The following GPM6A variants were observed in gnomAD, a reference collection of about 807,000 sequenced individuals.
GPM6A encodes the protein glycoprotein M6A.
Under a neutral mutation model 32.1 loss-of-function variants are expected in GPM6A, and 7 were observed. The ratio of observed to expected loss-of-function variants is 0.22; its 90% CI spans 0.12 to 0.41. The LOEUF (loss-of-function observed/expected upper bound fraction) is 0.41, where lower values mean the gene tolerates loss of function less well. Among genes scored for constraint, GPM6A ranks in the 10% least tolerant of loss-of-function variants. The pLI is 1.00. For missense variants in GPM6A, 235 were observed against 347.2 expected, an observed-to-expected ratio of 0.68 and a Z score of 2.57; for synonymous variants, 130 against 123.4, an observed-to-expected ratio of 1.05 and a Z score of -0.35.
intron 1 of GPM6A, among the ~76,000 whole-genome samples, chr4:175,882,095 C>T (rs1187876215): frequency 1.3e-5 from 2 of 151,342 alleles, no homozygotes; most frequent in African/African-American, 4.9e-5. Flanking sequence ...TTTGTTTGTC[C>T]ATAGTTTATT....
chr4:175,734,419 T>G (rs1731567945), intron 1 of GPM6A, among the ~76,000 whole-genome samples: 1 of 152,162 alleles, frequency 6.6e-6, no homozygotes, highest in Non-Finnish European at 1.5e-5. Flanking sequence ...TCTGCGTGAT[T>G]GGCCACAATG....
intron 1 of GPM6A, among the ~76,000 whole-genome samples, chr4:175,878,661 A>G (rs1260382418): frequency 6.6e-6 from 1 of 152,092 alleles, no homozygotes; most frequent in Non-Finnish European, 1.5e-5. Flanking sequence ...CTCTGGGCCT[A>G]TGATGGGATG....
chr4:175,770,768 T>C (rs934966760), intron 1 of GPM6A, among the ~76,000 whole-genome samples: 7 of 152,112 alleles, frequency 4.6e-5, no homozygotes, highest in Non-Finnish European at 1.0e-4. Flanking sequence ...ATCTTTCTAC[T>C]GGTTAATCGG....
Position 175,650,282 on chromosome 4 carries a change from ATTTATTTATT to A in GPM6A, c.541+1542_541+1551del, listed in dbSNP as rs1192511730. 6.0e-4 allele frequency among the ~76,000 whole-genome samples: 9 copies of A among 15,076 alleles called. No homozygotes were observed. In the Admixed American group the frequency reaches 6.4e-3, roughly 11 times the overall value. 9.9% of individuals were successfully genotyped at this position (15,076 alleles called of 152,430 possible). A position where few individuals can be genotyped will look rare whatever the true frequency, so the allele number is the denominator to read the frequency against. ...TTTGATTTCATTATTTTATTTATTT[ATTTATTTATT>A]TATTTATTTATTTATTTATTTATTT... On this transcript the variant is annotated intron_variant, in intron 4 of 6. Transcript: ENST00000393658.
In GPM6A at chr4:175,634,676, A is replaced by G. The variant is rs76711963; in HGVS notation, c.*229T>C. On this transcript the variant is annotated 3_prime_UTR_variant, in exon 7 of 7. Transcript: ENST00000393658. Reference sequence around the variant, plus strand: ...TAGTAAATGAGTTTGAGAAATTTCAAAAAAAAGGCTGGATAGGAGCTTGTA... The same window carrying G: ...TAGTAAATGAGTTTGAGAAATTTCAGAAAAAAGGCTGGATAGGAGCTTGTA... 5 of 432,878 alleles carry G rather than the reference A, an allele frequency of 1.2e-5. No individual in the cohort carries two copies. Among genetic ancestry groups the G allele is most frequent in the Non-Finnish European group, 1.6e-5 (4 of 244,526 alleles). 26.8% of individuals were successfully genotyped at this position (432,878 alleles called of 1,614,324 possible).
chr4:175,992,014 C>T (rs1190937622), intron 1 of GPM6A, among the ~76,000 whole-genome samples: 6 of 149,030 alleles, frequency 4.0e-5, no homozygotes, highest in African/African-American at 1.2e-4. Context: ...CGAAACAAAT[C>T]AATCAAAATG....
At chr4:175,919,015 C>A (rs982317004) in intron 1 of GPM6A, among the ~76,000 whole-genome samples, 1 of 152,106 alleles carries the variant, frequency 6.6e-6, no homozygotes, top group African/African-American at 2.4e-5. Flanking sequence ...AAACTGAACT[C>A]ACTAATAAAT....
chr4:175,941,420 G>C (rs980056832), intron 1 of GPM6A, among the ~76,000 whole-genome samples: 1 of 150,864 alleles, frequency 6.6e-6, no homozygotes, highest in African/African-American at 2.5e-5. Context: ...TTTAAGTTCT[G>C]TGATACATGT....
chr4:175,941,152 T>C (rs73871294), intron 1 of GPM6A, among the ~76,000 whole-genome samples: 1,547 of 152,306 alleles, frequency 0.01, 28 homozygotes, highest in African/African-American at 0.035. Flanking sequence ...GTTTGGAAAA[T>C]GTGAGTGCTC....
rs183975939 is a variant in GPM6A, at chr4:175,920,393, T to A, written c.-23+81916A>T. Among the ~76,000 whole-genome samples the A allele has an allele frequency of 6.7e-3, 1,026 of 152,242 alleles. 4 individuals are homozygous for A. The highest frequency in any genetic ancestry group is 0.011 in the Non-Finnish European group (765 of 68,002). On this transcript the variant is annotated intron_variant, in intron 1 of 7. Coordinates refer to the GPM6A transcript ENST00000280187. ...GGTCTTATAAAATGACACAAAAAAA[T>A]AAAGAACTGAGAACTGTTCCATGCA...
chr4:175,798,984 A>G (rs190987223), intron 1 of GPM6A, among the ~76,000 whole-genome samples: 18 of 152,350 alleles, frequency 1.2e-4, no homozygotes, highest in Admixed American at 5.9e-4. Context: ...TCCTTGCCAG[A>G]GGCTAGTTAT....
At chr4:175,660,495 A>T (rs1164739519) in intron 3 of GPM6A, among the ~76,000 whole-genome samples, 1 of 152,210 alleles carries the variant, frequency 6.6e-6, no homozygotes, top group Non-Finnish European at 1.5e-5. Context: ...GTGAAAAAAT[A>T]GAAACACTAG....
chr4:175,949,732 C>T lies in GPM6A; in HGVS notation c.-23+52577G>A, dbSNP rs543374507. On this transcript the variant is annotated intron_variant, in intron 1 of 7. Coordinates refer to the GPM6A transcript ENST00000280187. ...GAGTCCTCAGAAGTTTGATTTTAAA[C>T]TCATGAAAAAGATAAAGCTGAACCG... Among the ~76,000 whole-genome samples, 4 of 152,254 alleles carry T rather than the reference C, an allele frequency of 2.6e-5. No homozygotes were observed. In the East Asian group the frequency reaches 5.8e-4, roughly 22 times the overall value.
At chr4:175,897,274 G>C (rs1320963554) in intron 1 of GPM6A, among the ~76,000 whole-genome samples, 1 of 152,100 alleles carries the variant, frequency 6.6e-6, no homozygotes, top group South Asian at 2.1e-4. Flanking sequence ...CAGAGGAGCT[G>C]CATTTGAGAG....
In GPM6A at chr4:175,855,935, A is replaced by G. The variant is rs532621879; in HGVS notation, c.-22-43686T>C. Reference sequence around the variant, plus strand: ...CCTAACTAGCAAACAGGAGCACGTAAGAGCCTAGCGCTCGCTCTTGCTTTT... The same window carrying G: ...CCTAACTAGCAAACAGGAGCACGTAGGAGCCTAGCGCTCGCTCTTGCTTTT... On this transcript the variant is annotated intron_variant, in intron 1 of 7. Coordinates refer to the GPM6A transcript ENST00000280187. 6.6e-5 allele frequency among the ~76,000 whole-genome samples: 10 copies of G among 152,354 alleles called. No homozygotes were observed. In the South Asian group the frequency reaches 1.9e-3, roughly 28 times the overall value.
chr4:175,834,417 T>G (rs1383067577), intron 1 of GPM6A, among the ~76,000 whole-genome samples: 1 of 152,182 alleles, frequency 6.6e-6, no homozygotes, highest in Non-Finnish European at 1.5e-5. Context: ...GTGCAGAATT[T>G]TCAGTACCCT....
chr4:175,722,301 A>G (rs930184026), intron 1 of GPM6A, among the ~76,000 whole-genome samples: 12 of 151,900 alleles, frequency 7.9e-5, no homozygotes, highest in African/African-American at 2.7e-4. Context: ...GTGACCCTCA[A>G]ACAGACCACC....
chr4:175,937,402 C>T (rs1196913303), intron 1 of GPM6A, among the ~76,000 whole-genome samples: 1 of 152,100 alleles, frequency 6.6e-6, no homozygotes, highest in African/African-American at 2.4e-5. Context: ...TCAATATGTA[C>T]CTCTATGAAA....
At chr4:175,971,017 T>C in intron 1 of GPM6A, 1 of 385,310 alleles carries the variant, frequency 2.6e-6, no homozygotes, top group Non-Finnish European at 5.0e-6. Context: ...GCAAATACAA[T>C]ACAGCCTCAG....
Sources: allele counts gnomAD v4.1 joint callset (sites outside exome capture counted in the v4.1 genomes callset), GRCh38; gene constraint gnomAD v4.1.1; transcripts MANE v1.5; gene names NCBI Gene and HGNC (gene_info 2026-07-23, HGNC 2026-07-21).